The following ZSWIM6 variants were observed in gnomAD, a reference collection of about 807,000 sequenced individuals.
ZSWIM6 encodes zinc finger SWIM domain-containing protein 6.
In ZSWIM6, 9 loss-of-function variants were observed where a neutral mutation model predicts 113.2. The observed-to-expected ratio is 0.08, with a 90% CI of 0.05 to 0.14. The LOEUF (loss-of-function observed/expected upper bound fraction) is 0.14, where lower values mean the gene tolerates loss of function less well. ZSWIM6 is among the 10% of genes least tolerant of loss of function. The pLI is 1.00. For synonymous variants in ZSWIM6, 611 were observed against 606.5 expected (o/e 1.01, Z -0.11); for missense variants, 1,162 against 1,552.2 (o/e 0.75, Z 4.22).
intron 1 of ZSWIM6, among the ~76,000 whole-genome samples, chr5:61,382,561 T>G (rs1745506662): frequency 6.6e-6 from 1 of 152,212 alleles, no homozygotes; most frequent in South Asian, 2.1e-4. Context: ...CCCAGCACTT[T>G]GGGAGGCTGA....
intron 1 of ZSWIM6, among the ~76,000 whole-genome samples, chr5:61,373,043 A>G (rs1223822339): frequency 6.6e-6 from 1 of 152,216 alleles, no homozygotes; most frequent in Non-Finnish European, 1.5e-5. Flanking sequence ...TCCTTTCTCC[A>G]GAACTAACCA....
intron 1 of ZSWIM6, 61 bp downstream of exon 1, chr5:61,333,009 G>GGGGCCCCCCC: frequency 4.5e-6 from 2 of 439,766 alleles, no homozygotes; most frequent in Non-Finnish European, 6.4e-6. Context: ...TGGGGGGGGG[G>GGGGCCCCCCC]TGCCCGCCTT....
intron 1 of ZSWIM6, among the ~76,000 whole-genome samples, chr5:61,386,459 A>G (rs997520096): frequency 6.6e-6 from 1 of 151,910 alleles, no homozygotes; most frequent in Non-Finnish European, 1.5e-5. Context: ...TTTGATTTAC[A>G]TTTTTTTTAT....
chr5:61,360,484 A>G (rs1341631146), intron 1 of ZSWIM6, among the ~76,000 whole-genome samples: 1 of 152,228 alleles, frequency 6.6e-6, no homozygotes, highest in African/African-American at 2.4e-5. Flanking sequence ...AAGGTCACAT[A>G]GCTATTATTT....
In ZSWIM6 at chr5:61,511,470, A is replaced by G. The variant is rs554049603; in HGVS notation, c.1334-9793A>G. 4.9e-4 allele frequency among the ~76,000 whole-genome samples: 74 copies of G among 152,078 alleles called. No individual in the cohort carries two copies. The South Asian group carries it at 0.013, about 26-fold the overall frequency. On this transcript the variant is annotated intron_variant, in intron 4 of 13. Transcript: ENST00000252744. ...GGTCTGAATGTTTGTGTCCTCCCCA[A>G]ATTTTTTATGTTGAAATTCTAACCC...
chr5:61,382,322 A>G (rs191303303), intron 1 of ZSWIM6, among the ~76,000 whole-genome samples: 2 of 152,222 alleles, frequency 1.3e-5, no homozygotes, highest in Non-Finnish European at 2.9e-5. Context: ...GCCCCTTGGC[A>G]TGGTACTCTG....
chr5:61,387,673 G>A (rs1468380094), intron 1 of ZSWIM6, among the ~76,000 whole-genome samples: 2 of 152,048 alleles, frequency 1.3e-5, no homozygotes, highest in Non-Finnish European at 2.9e-5. Flanking sequence ...TTGGGAGGCC[G>A]AGGCGGGCAG....
chr5:61,407,439 T>G (rs1403834858), intron 1 of ZSWIM6, among the ~76,000 whole-genome samples: 2 of 152,204 alleles, frequency 1.3e-5, no homozygotes, highest in African/African-American at 4.8e-5. Context: ...AAGAATAGAT[T>G]GGTAACAATT....
chr5:61,472,039 G>C lies in ZSWIM6; in HGVS notation c.677-642G>C, dbSNP rs887611879. Among the ~76,000 whole-genome samples the C allele has an allele frequency of 3.3e-5, 5 of 152,152 alleles. No individual in the cohort carries two copies. Among genetic ancestry groups the C allele is most frequent in the Non-Finnish European group, 7.4e-5 (5 of 68,014 alleles). ...GTTATTTAGGTGGTAGTGTATATGA[G>C]ATTTGGTGGGCCTTGCAATTCTATA... On this transcript the variant is annotated intron_variant, in intron 1 of 13. Coordinates refer to ENST00000252744, the MANE Select transcript of ZSWIM6 (RefSeq NM_020928.2). This position sits in a 1 kb window ranked among gnomAD's most constrained non-coding sequence, Gnocchi z 4.1.
At chr5:61,497,828 A>G (rs1748363006) in intron 4 of ZSWIM6, among the ~76,000 whole-genome samples, 1 of 152,242 alleles carries the variant, frequency 6.6e-6, no homozygotes, top group African/African-American at 2.4e-5. Context: ...TAGAATCTAT[A>G]GAACACACAC....
intron 1 of ZSWIM6, among the ~76,000 whole-genome samples, chr5:61,335,951 G>A (rs1220775126): frequency 2.0e-5 from 3 of 152,208 alleles, no homozygotes; most frequent in African/African-American, 7.2e-5. Context: ...AGAAAGAGTA[G>A]TTGGCTTATT....
chr5:61,348,201 A>G (rs1361745305), intron 1 of ZSWIM6, among the ~76,000 whole-genome samples: 1 of 152,216 alleles, frequency 6.6e-6, no homozygotes, highest in East Asian at 1.9e-4. Flanking sequence ...AGCCTGGGCA[A>G]CAGAGTGAGA....
chr5:61,369,384 C>T (rs1271308656), intron 1 of ZSWIM6, among the ~76,000 whole-genome samples: 2 of 152,178 alleles, frequency 1.3e-5, no homozygotes, highest in East Asian at 1.9e-4. Flanking sequence ...TACATTCTTT[C>T]GACATGTCCC....
At chr5:61,392,025 G>GC (rs1182978984) in intron 1 of ZSWIM6, among the ~76,000 whole-genome samples, 3 of 152,154 alleles carry the variant, frequency 2.0e-5, no homozygotes, top group Non-Finnish European at 4.4e-5. Flanking sequence ...AGATTGACAT[G>GC]CATTCGTGTT....
intron 1 of ZSWIM6, among the ~76,000 whole-genome samples, chr5:61,434,091 TTA>T (rs1746645415): frequency 6.8e-6 from 1 of 147,174 alleles, no homozygotes; most frequent in Non-Finnish European, 1.5e-5. Context: ...AATATATGTA[TTA>T]TATATACTAT....
At chr5:61,396,120 A>G (rs1290325542) in intron 1 of ZSWIM6, among the ~76,000 whole-genome samples, 2 of 152,208 alleles carry the variant, frequency 1.3e-5, no homozygotes, top group African/African-American at 4.8e-5. Flanking sequence ...TACTTACACC[A>G]GCACTGCTAG....
At chr5:61,383,991 C>T (rs1379706436) in intron 1 of ZSWIM6, among the ~76,000 whole-genome samples, 4 of 151,144 alleles carry the variant, frequency 2.6e-5, no homozygotes, top group African/African-American at 9.7e-5. Flanking sequence ...CCTGTAATCC[C>T]AGCACTTTGG....
At chr5:61,413,671 C>T (rs1045660917) in intron 1 of ZSWIM6, among the ~76,000 whole-genome samples, 4 of 152,152 alleles carry the variant, frequency 2.6e-5, no homozygotes, top group African/African-American at 2.4e-5. Flanking sequence ...TCTCCACATC[C>T]TCTCCAGCCC....
rs140000515 is a variant in ZSWIM6 at position 61,382,688 on chromosome 5, C to G, written c.676+49740C>G. On this transcript the variant is annotated intron_variant, in intron 1 of 13. Transcript: ENST00000252744. ...GGCATGGTGGTGCACTCTGGTAGTC[C>G]CAGCTACTCGGAAGGCTGAGGCAGG... 6.6e-3 allele frequency among the ~76,000 whole-genome samples: 997 copies of G among 152,088 alleles called. 7 individuals carry two copies. Among genetic ancestry groups the G allele is most frequent in the African/African-American group, 0.02 (843 of 41,488 alleles).
Sources: allele counts gnomAD v4.1 joint callset (sites outside exome capture counted in the v4.1 genomes callset), GRCh38; gene constraint gnomAD v4.1.1; non-coding constraint Gnocchi (gnomAD v3.1); transcripts MANE v1.5; gene names NCBI Gene and HGNC (gene_info 2026-07-23, HGNC 2026-07-21).